The following ITGA6 variants were observed in gnomAD, a reference collection of about 807,000 sequenced individuals.
ITGA6 encodes the protein integrin subunit alpha 6.
In ITGA6, 63 loss-of-function variants were observed where a neutral mutation model predicts 133.6. That is an observed-to-expected ratio of 0.47 (90% CI 0.38 to 0.58). The LOEUF (loss-of-function observed/expected upper bound fraction) is 0.58. Among genes scored for constraint, ITGA6 ranks in the 20% least tolerant of loss-of-function variants. The pLI is 0.00. For missense variants in ITGA6, 1,068 were observed against 1,309.4 expected, an observed-to-expected ratio of 0.82 and a Z score of 2.85; for synonymous variants, 434 against 482.0, an observed-to-expected ratio of 0.90 and a Z score of 1.30.
intron 24 of ITGA6, among the ~76,000 whole-genome samples, chr2:172,500,650 C>G (rs1291778068): frequency 6.6e-6 from 1 of 152,126 alleles, no homozygotes; most frequent in Non-Finnish European, 1.5e-5. Context: ...AAGAATGTTG[C>G]CAAGTTGGAG....
chr2:172,484,686 T>C lies in ITGA6; in HGVS notation c.1550-96T>C, dbSNP rs1438826597. ...ATGAAGAGAAACAATGGCAATGTTT[T>C]CTACAAGGAATTAAAATCTTAAAAG... On this transcript the variant is annotated intron_variant, in intron 11 of 25. Transcript: ENST00000684293. 3.9e-6 allele frequency: 4 copies of C among 1,014,622 alleles called. No homozygotes were observed. In the East Asian group the frequency reaches 9.8e-5, roughly 25 times the overall value. 62.9% of individuals were successfully genotyped at this position (1,014,622 alleles called of 1,614,324 possible).
At chr2:172,449,657 G>C (rs915521669) in intron 1 of ITGA6, among the ~76,000 whole-genome samples, 2 of 152,114 alleles carry the variant, frequency 1.3e-5, no homozygotes, top group African/African-American at 4.8e-5. Context: ...TGAGAAAGGG[G>C]ATGGTTGGCT....
chr2:172,471,197 G>A (rs1685919832), intron 5 of ITGA6, 92 bp downstream of exon 5: 3 of 1,509,654 alleles, frequency 2.0e-6, no homozygotes, highest in Middle Eastern at 2.0e-4. Flanking sequence ...TGGACTTCTA[G>A]GCTGAGAAGA....
At chr2:172,447,681 G>A (rs1462683099) in intron 1 of ITGA6, among the ~76,000 whole-genome samples, 1 of 152,196 alleles carries the variant, frequency 6.6e-6, no homozygotes. Context: ...TGGGAGGTAA[G>A]AAGCAAGTGT....
chr2:172,470,318 A>G (rs1685865253), intron 4 of ITGA6, among the ~76,000 whole-genome samples: 1 of 152,204 alleles, frequency 6.6e-6, no homozygotes. Flanking sequence ...TAACTGAAAT[A>G]ACATGTTGAA....
chr2:172,460,387 G>A (rs150123696), intron 1 of ITGA6, among the ~76,000 whole-genome samples: 3 of 152,318 alleles, frequency 2.0e-5, no homozygotes, highest in African/African-American at 7.2e-5. Flanking sequence ...GTCAAAAGTT[G>A]AAGGGAAAAT....
chr2:172,441,056 C>T (rs145157635), intron 1 of ITGA6, among the ~76,000 whole-genome samples: 7 of 143,354 alleles, frequency 4.9e-5, no homozygotes, highest in African/African-American at 7.6e-5. Flanking sequence ...CCCTTCTCCC[C>T]ACCCTGCTTC....
chr2:172,498,745 T>C (rs979024413), intron 24 of ITGA6, among the ~76,000 whole-genome samples: 7 of 152,228 alleles, frequency 4.6e-5, no homozygotes, highest in Admixed American at 3.9e-4. Context: ...ATACAAACTC[T>C]TATTGCCCAA....
chr2:172,456,976 G>T (rs72889922), intron 1 of ITGA6, among the ~76,000 whole-genome samples: 1 of 152,068 alleles, frequency 6.6e-6, no homozygotes, highest in South Asian at 2.1e-4. Flanking sequence ...GTTAACTTTG[G>T]TTTTAAATAA....
At chr2:172,498,898 A>C (rs1687238614) in intron 24 of ITGA6, among the ~76,000 whole-genome samples, 1 of 152,192 alleles carries the variant, frequency 6.6e-6, no homozygotes, top group Admixed American at 6.5e-5. Flanking sequence ...ATGTGAAGAG[A>C]GGCTACTTCG....
chr2:172,465,936 CA>C, intron 2 of ITGA6: 2 of 536,386 alleles, frequency 3.7e-6, no homozygotes, highest in Non-Finnish European at 6.7e-6. Context: ...TGAGGTTCTG[CA>C]GGAGGTTGTG....
In ITGA6 at chr2:172,474,973, A is replaced by T; in HGVS notation, c.1031A>T (p.Asp344Val). ...VIGAPQYFDR[D>V]GEVGGAVYVY... ...GGAGCCCCACAGTATTTTGATAGAGATGGAGAAGTTGGAGGTGCAGTGTAT... is the reference window on the plus strand; with the variant it reads ...GGAGCCCCACAGTATTTTGATAGAGTTGGAGAAGTTGGAGGTGCAGTGTAT... Residue 344 changes from aspartate (D) to valine (V), a missense_variant, in exon 7 of 26, where the codon GAT becomes GTT. By Grantham distance (152) the Asp-to-Val change is radical (BLOSUM62 -3). Coordinates refer to ENST00000684293, the MANE Select transcript of ITGA6 (RefSeq NM_000210.4). 1 of 1,588,492 alleles carries T rather than the reference A, an allele frequency of 6.3e-7. No individual in the cohort carries two copies. Among genetic ancestry groups the T allele is most frequent in the Non-Finnish European group, 8.6e-7 (1 of 1,156,652 alleles).
In ITGA6 at chr2:172,465,826, T is replaced by C. The variant is rs956872733; in HGVS notation, c.307+163T>C. ...TTGCCCTGAAAATATTTACTTACTT[T>C]ACTTCTGAATCATACTGGGATGCCG... On this transcript the variant is annotated intron_variant, in intron 2 of 25. Coordinates refer to ENST00000684293, the MANE Select transcript of ITGA6 (RefSeq NM_000210.4). The C allele has an allele frequency of 7.0e-6, 7 of 1,000,374 alleles. No homozygotes were observed. In the African/African-American group the frequency reaches 8.0e-5, roughly 11 times the overall value. The allele number at this position is 1,000,374 out of a possible 1,614,324, so 62.0% of individuals were successfully genotyped here.
intron 3 of ITGA6, among the ~76,000 whole-genome samples, chr2:172,468,729 A>G (rs1685789332): frequency 6.6e-6 from 1 of 152,258 alleles, no homozygotes; most frequent in Non-Finnish European, 1.5e-5. Context: ...CCTCTAGAAC[A>G]TAATTACCCA....
intron 23 of ITGA6, among the ~76,000 whole-genome samples, chr2:172,493,896 CTT>C (rs1486145899): frequency 6.6e-6 from 1 of 152,170 alleles, no homozygotes; most frequent in African/African-American, 2.4e-5. Context: ...GTGAGGTTCT[CTT>C]GGGCATTTTA....
intron 5 of ITGA6, 120 bp downstream of exon 5, chr2:172,471,225 C>A (rs1685921267): frequency 2.6e-6 from 3 of 1,136,172 alleles, no homozygotes; most frequent in Admixed American, 2.0e-5. Context: ...TGGGGCCGGG[C>A]CACTTTTGCT....
rs766558591 is a variant in ITGA6 at position 172,491,204 on chromosome 2, C to T, written c.2779-17C>T. On this transcript the variant is annotated splice_polypyrimidine_tract_variant and intron_variant, in intron 21 of 25. Coordinates refer to ENST00000684293, the MANE Select transcript of ITGA6 (RefSeq NM_000210.4). The surrounding 1 kb of genome is among the most constrained non-coding windows in gnomAD (Gnocchi z 4.4). ...AGAACAATGTCTTTTGATGACCATT[C>T]TTCTTTTTCTCTCTAGAACTGTAGC... 1.3e-6 allele frequency: 2 copies of T among 1,548,502 alleles called. No homozygotes were observed. The highest frequency in any genetic ancestry group is 1.8e-6 in the Non-Finnish European group (2 of 1,120,330).
rs763196422 is a variant in ITGA6, at chr2:172,484,829, C to T, written c.1597C>T (p.Leu533=). ...TGAAAAAGAAAGAAGAAAATCTGGG[C>T]TATCCTCAAGAGTTCAGTTTCGAAA... is the stretch of plus-strand genomic sequence containing the variant. The part of the protein sequence containing the change: ...EAEKERRKSG[L]SSRVQFRNQG... Residue 533 remains leucine, a synonymous_variant, in exon 12 of 26, where the codon CTA becomes TTA. Coordinates refer to ENST00000684293, the MANE Select transcript of ITGA6 (RefSeq NM_000210.4). The T allele has an allele frequency of 6.2e-7, 1 of 1,613,954 alleles. No homozygotes were observed. The highest frequency in any genetic ancestry group is 1.3e-5 in the African/African-American group (1 of 74,926).
Position 172,488,043 on chromosome 2 carries a change from G to A in ITGA6, c.2402+5G>A. 1 of 1,613,774 alleles carries A rather than the reference G, an allele frequency of 6.2e-7. No homozygotes were observed. Among genetic ancestry groups the A allele is most frequent in the South Asian group, 1.1e-5 (1 of 91,074 alleles). On this transcript the variant is annotated splice_donor_5th_base_variant and intron_variant, in intron 18 of 25. Coordinates refer to ENST00000684293, the MANE Select transcript of ITGA6 (RefSeq NM_000210.4). ...ACTGCTTTTATCGGTCTCGGGGTAA[G>A]TGTTTGTGTTTAGCATAACAAATCA...
Sources: gnomAD v4.1 joint callset for allele counts (sites outside exome capture counted in the v4.1 genomes callset) on GRCh38, gnomAD v4.1.1 for gene constraint, Gnocchi (gnomAD v3.1) non-coding constraint, MANE v1.5 for transcripts, NCBI Gene and HGNC (gene_info 2026-07-23, HGNC 2026-07-21) for gene names.